Variants in IGSF11 observed in about 807,000 individuals in gnomAD.
IGSF11 encodes CXADR like 1.
Under a neutral mutation model 41.0 loss-of-function variants are expected in IGSF11, and 22 were observed. The ratio of observed to expected loss-of-function variants is 0.54; its 90% confidence interval spans 0.38 to 0.77. IGSF11 has a LOEUF of 0.77. Ranked by LOEUF, IGSF11 falls within the 30% of genes least tolerant of loss-of-function variation. The pLI is 0.00. For synonymous variants in IGSF11, 219 were observed against 201.3 expected (o/e 1.09, Z -0.74); for missense variants, 444 against 530.8 (o/e 0.84, Z 1.61).
At chr3:118,904,493 T>A (rs921324107) in intron 6 of IGSF11, among the ~76,000 whole-genome samples, 155 bp downstream of exon 6, 2 of 152,136 alleles carry the variant, frequency 1.3e-5, no homozygotes, top group Non-Finnish European at 2.9e-5. Context: ...AGTAGTACCA[T>A]GAAGAAAAGT....
At chr3:119,115,572 T>C (rs2077244344) in intron 1 of IGSF11, among the ~76,000 whole-genome samples, 1 of 91,256 alleles carries the variant, frequency 1.1e-5, no homozygotes, top group South Asian at 3.0e-4. Context: ...TCTATTCAGA[T>C]TGTTTGCCCA....
Position 119,051,826 on chromosome 3 carries a change from C to T in IGSF11, c.49+53318G>A, listed in dbSNP as rs546773708. Among the ~76,000 whole-genome samples the T allele has an allele frequency of 6.6e-5, 10 of 152,146 alleles. No individual in the cohort carries two copies. The South Asian group carries it at 2.1e-3, about 32-fold the overall frequency. ...GATTGAAAATTAACTCCAAAAGGAA[C>T]CCTGAAAACTATACAGATACATGGA... On this transcript the variant is annotated intron_variant, in intron 1 of 6. Coordinates refer to the IGSF11 transcript ENST00000354673.
intron 1 of IGSF11, among the ~76,000 whole-genome samples, chr3:118,981,069 T>C (rs1934664575): frequency 6.6e-6 from 1 of 152,238 alleles, no homozygotes; most frequent in African/African-American, 2.4e-5. Context: ...AAGTTTCACC[T>C]CAAGGATCAC....
chr3:118,947,266 T>G (rs1229010976), intron 1 of IGSF11: 1 of 152,160 alleles, frequency 6.6e-6, no homozygotes, highest in Non-Finnish European at 1.5e-5. Flanking sequence ...CAAAATGGCT[T>G]GCAACTAATT....
At chr3:118,919,512 CT>C (rs1174221028) in intron 4 of IGSF11, among the ~76,000 whole-genome samples, 2 of 125,044 alleles carry the variant, frequency 1.6e-5, no homozygotes, top group African/African-American at 6.4e-5. Context: ...TGAAAAAATG[CT>C]CATCATCACT....
chr3:119,030,857 T>C (rs1431795993), intron 1 of IGSF11, among the ~76,000 whole-genome samples: 1 of 152,092 alleles, frequency 6.6e-6, no homozygotes, highest in Non-Finnish European at 1.5e-5. Context: ...AAAACAGAAA[T>C]TCAGCAAACC....
intron 1 of IGSF11, among the ~76,000 whole-genome samples, chr3:118,954,893 T>TA (rs552353364): frequency 1.4e-3 from 204 of 150,528 alleles, no homozygotes; most frequent in Non-Finnish European, 1.5e-3. Context: ...ATGGCCATAA[T>TA]AAAAAAAATA....
chr3:119,009,168 A>T (rs1338182158), intron 1 of IGSF11, among the ~76,000 whole-genome samples: 2 of 152,040 alleles, frequency 1.3e-5, no homozygotes, highest in East Asian at 3.8e-4. Context: ...TCACCCTTTC[A>T]GACTAAATTT....
intron 1 of IGSF11, among the ~76,000 whole-genome samples, chr3:119,043,782 C>A (rs1401119909): frequency 6.6e-6 from 1 of 152,172 alleles, no homozygotes; most frequent in African/African-American, 2.4e-5. Flanking sequence ...GTTAGCCCCA[C>A]TGGGTGGCTA....
intron 1 of IGSF11, among the ~76,000 whole-genome samples, chr3:118,990,236 A>T (rs1177572165): frequency 2.0e-5 from 3 of 152,234 alleles, no homozygotes; most frequent in Non-Finnish European, 2.9e-5. Flanking sequence ...CAGATTTGAA[A>T]GGGAGAGAGA....
chr3:119,002,007 A>C (rs1936943760), intron 1 of IGSF11, among the ~76,000 whole-genome samples: 1 of 129,668 alleles, frequency 7.7e-6, no homozygotes, highest in Non-Finnish European at 1.6e-5. Context: ...TGGCTGGGTC[A>C]AATGGTATTT....
intron 1 of IGSF11, among the ~76,000 whole-genome samples, chr3:119,016,803 A>T (rs1938740945): frequency 6.6e-6 from 1 of 152,042 alleles, no homozygotes; most frequent in African/African-American, 2.4e-5. Flanking sequence ...CCTCTGTGCT[A>T]GTCTAAATCC....
At chr3:118,919,059 T>G (rs1329143686) in intron 4 of IGSF11, among the ~76,000 whole-genome samples, 1 of 135,918 alleles carries the variant, frequency 7.4e-6, no homozygotes, top group Non-Finnish European at 1.5e-5. Flanking sequence ...TAGCCATATG[T>G]AGAAAGCTGA....
chr3:119,030,656 T>C (rs908887471), intron 1 of IGSF11, among the ~76,000 whole-genome samples: 1 of 152,208 alleles, frequency 6.6e-6, no homozygotes, highest in African/African-American at 2.4e-5. Context: ...AGATGGCTTT[T>C]TGAATACCAC....
intron 1 of IGSF11, among the ~76,000 whole-genome samples, chr3:119,055,065 C>A (rs1420321937): frequency 6.6e-6 from 1 of 152,204 alleles, no homozygotes; most frequent in Non-Finnish European, 1.5e-5. Flanking sequence ...CCCAGGCAAA[C>A]AGGGTCTGGA....
chr3:119,111,560 T>C (rs2077160375), intron 1 of IGSF11, among the ~76,000 whole-genome samples: 1 of 151,906 alleles, frequency 6.6e-6, no homozygotes, highest in African/African-American at 2.4e-5. Context: ...GTTGGAGTAG[T>C]TTGATCATCT....
chr3:118,996,724 T>A (rs938982843), intron 1 of IGSF11, among the ~76,000 whole-genome samples: 1 of 152,046 alleles, frequency 6.6e-6, no homozygotes, highest in Non-Finnish European at 1.5e-5. Context: ...CTCAGCCTCC[T>A]GAGCAGCTGG....
rs1462834797 is a variant in IGSF11, at chr3:118,903,493, TA to T, written c.855-533del. Among the ~76,000 whole-genome samples the T allele has an allele frequency of 2.0e-5, 3 of 152,222 alleles. No individual in the cohort carries two copies. In the East Asian group the frequency reaches 5.8e-4, roughly 29 times the overall value. On this transcript the variant is annotated intron_variant, in intron 6 of 6. Transcript: ENST00000393775. ...AATCAAACTATAGGTATGCAGAACTTAAAGAAATAATCAGAGTTGGCCTGAT... is the reference window on the plus strand; with the variant it reads ...AATCAAACTATAGGTATGCAGAACTTAAGAAATAATCAGAGTTGGCCTGAT...
intron 6 of IGSF11, 44 bp downstream of exon 6, chr3:118,904,604 A>C: frequency 1.4e-6 from 2 of 1,408,812 alleles, no homozygotes; most frequent in South Asian, 2.5e-5. Context: ...ATAGAAGTAC[A>C]CAATGGCTAT....
Sources: allele counts gnomAD v4.1 joint callset (sites outside exome capture counted in the v4.1 genomes callset), GRCh38; gene constraint gnomAD v4.1.1; transcripts MANE v1.5; gene names NCBI Gene and HGNC (gene_info 2026-07-23, HGNC 2026-07-21).